TMEM132D: variants seen among roughly 807,000 people sequenced by gnomAD.
TMEM132D encodes the protein transmembrane protein 132D.
Under a neutral mutation model 62.3 loss-of-function variants are expected in TMEM132D, and 21 were observed. The ratio of observed to expected loss-of-function variants is 0.34; its 90% CI spans 0.24 to 0.49. The LOEUF is 0.49. Ranked by LOEUF, TMEM132D falls within the 20% of genes least tolerant of loss-of-function variation. TMEM132D has a pLI of 0.99. For synonymous variants in TMEM132D, 621 were observed against 575.6 expected (o/e 1.08, Z -1.13); for missense variants, 1,346 against 1,402.8 (o/e 0.96, Z 0.65).
chr12:129,636,733 T>A lies in TMEM132D; in HGVS notation c.968+63077A>T, dbSNP rs200666699. On this transcript the variant is annotated intron_variant, in intron 2 of 8. Coordinates refer to ENST00000422113, the MANE Select transcript of TMEM132D (RefSeq NM_133448.3). The stretch of plus-strand genomic sequence containing the variant: ...GTGTGTGTGTGTGTGTGTGTGTGTG[T>A]GTGTGAGAGAGAGAGAGAGAGAGAC... 3.2e-3 allele frequency among the ~76,000 whole-genome samples: 292 copies of A among 90,660 alleles called. 3 individuals are homozygous for A. Among genetic ancestry groups the A allele is most frequent in the African/African-American group, 8.4e-3 (210 of 25,138 alleles). The allele number at this position is 90,660 out of a possible 152,430, so 59.5% of individuals were successfully genotyped here. A position where few individuals can be genotyped will look rare whatever the true frequency, so the allele number is the denominator to read the frequency against.
At chr12:129,257,667 G>A (rs187151406) in intron 4 of TMEM132D, among the ~76,000 whole-genome samples, 1 of 152,168 alleles carries the variant, frequency 6.6e-6, no homozygotes, top group Non-Finnish European at 1.5e-5. Context: ...AGATGCAGGG[G>A]TGGATCTGGG....
At chr12:129,603,574 A>G (rs1878538200) in intron 2 of TMEM132D, among the ~76,000 whole-genome samples, 2 of 152,226 alleles carry the variant, frequency 1.3e-5, no homozygotes, top group African/African-American at 4.8e-5. Context: ...AAAAAAGTTC[A>G]TCATCACTGG....
At chr12:129,655,588 G>C (rs1042349681) in intron 2 of TMEM132D, among the ~76,000 whole-genome samples, 1 of 151,896 alleles carries the variant, frequency 6.6e-6, no homozygotes, top group African/African-American at 2.4e-5. Flanking sequence ...GGGCGTTGCA[G>C]GGGAGTGCAG....
intron 5 of TMEM132D, among the ~76,000 whole-genome samples, chr12:129,112,794 C>T (rs1875762255): frequency 6.6e-6 from 1 of 152,192 alleles, no homozygotes; most frequent in East Asian, 1.9e-4. Flanking sequence ...CAGAACATCC[C>T]TGTCATCACA....
At chr12:129,797,103 A>G (rs990434224) in intron 1 of TMEM132D, among the ~76,000 whole-genome samples, 1 of 152,082 alleles carries the variant, frequency 6.6e-6, no homozygotes, top group Non-Finnish European at 1.5e-5. Context: ...TCATATTTCA[A>G]AGTTCTGTTT....
At chr12:129,652,415 A>C (rs1879954317) in intron 2 of TMEM132D, among the ~76,000 whole-genome samples, 1 of 152,200 alleles carries the variant, frequency 6.6e-6, no homozygotes, top group Admixed American at 6.5e-5. Flanking sequence ...GTTACCTGGC[A>C]AAAGAGAATT....
In TMEM132D at chr12:129,221,255, C is replaced by T. The variant is rs76578669; in HGVS notation, c.1300-11592G>A. ...TGATGCAGTGAGGAGATGCTGGAGC[C>T]TCCATTAGCCTGGTTACCTGAGTCA... is the stretch of plus-strand genomic sequence containing the variant. On this transcript the variant is annotated intron_variant, in intron 4 of 8. Coordinates refer to ENST00000422113, the MANE Select transcript of TMEM132D (RefSeq NM_133448.3). Among the ~76,000 whole-genome samples the T allele has an allele frequency of 0.011, 1,743 of 152,292 alleles. 84 individuals carry two copies. The East Asian group carries it at 0.14, about 12-fold the overall frequency.
chr12:129,770,857 C>T (rs1197131838), intron 1 of TMEM132D, among the ~76,000 whole-genome samples: 2 of 152,190 alleles, frequency 1.3e-5, no homozygotes, highest in Non-Finnish European at 2.9e-5. Context: ...ATGGTCTCTA[C>T]CGAATGTGTA....
intron 2 of TMEM132D, among the ~76,000 whole-genome samples, chr12:129,660,771 G>A (rs1293183997): frequency 6.6e-6 from 1 of 152,012 alleles, no homozygotes; most frequent in East Asian, 1.9e-4. Flanking sequence ...GCCTGGTATT[G>A]GGAAGAGGCA....
intron 5 of TMEM132D, among the ~76,000 whole-genome samples, chr12:129,189,734 C>A (rs1878329947): frequency 6.6e-6 from 1 of 152,140 alleles, no homozygotes; most frequent in South Asian, 2.1e-4. Flanking sequence ...TCAAGAGAAG[C>A]AAGTCTGGTC....
At chr12:129,518,495 T>TTGTG (rs139644995) in intron 3 of TMEM132D, among the ~76,000 whole-genome samples, 2 of 150,488 alleles carry the variant, frequency 1.3e-5, no homozygotes, top group Non-Finnish European at 3.0e-5. Flanking sequence ...CTTGACTATA[T>TTGTG]TGTGTGTGTG....
At chr12:129,116,167 C>T (rs1316511333) in intron 5 of TMEM132D, among the ~76,000 whole-genome samples, 1 of 152,152 alleles carries the variant, frequency 6.6e-6, no homozygotes, top group Non-Finnish European at 1.5e-5. Flanking sequence ...AGAAGCTTCA[C>T]CTGGGGAGTC....
chr12:129,156,893 CCACTCCTGAGATCATTAACA>C (rs1877263470), intron 5 of TMEM132D, among the ~76,000 whole-genome samples: 1 of 152,074 alleles, frequency 6.6e-6, no homozygotes, highest in Non-Finnish European at 1.5e-5. Context: ...GATAAATAAC[CCACTCCTGAGATCATTAACA>C]CACTCCCCAA....
chr12:129,078,404 A>G, intron 8 of TMEM132D, 130 bp downstream of exon 8: 1 of 864,366 alleles, frequency 1.2e-6, no homozygotes, highest in Non-Finnish European at 1.8e-6. Flanking sequence ...AGCCCTTTGC[A>G]GATGGAGAAA....
At chr12:129,524,964 T>C (rs1593050690) in intron 3 of TMEM132D, among the ~76,000 whole-genome samples, 1 of 123,396 alleles carries the variant, frequency 8.1e-6, no homozygotes, top group Admixed American at 9.0e-5. Flanking sequence ...TCTCGCTCTG[T>C]CGCCAGGCTG....
At chr12:129,637,774 CA>C (rs1388397831) in intron 2 of TMEM132D, among the ~76,000 whole-genome samples, 5 of 152,058 alleles carry the variant, frequency 3.3e-5, no homozygotes, top group African/African-American at 1.2e-4. Flanking sequence ...GCTGAAGGTG[CA>C]AGGGGAGCAG....
In TMEM132D at chr12:129,252,062, C is replaced by A. The variant is rs115642975; in HGVS notation, c.1300-42399G>T. ...TACTTGTTAGAGCAGTTTGGTTTAG[C>A]CTAGCTAAAATATGTATATTCAAAT... is the stretch of plus-strand genomic sequence containing the variant. On this transcript the variant is annotated intron_variant, in intron 4 of 8. Coordinates refer to ENST00000422113, the MANE Select transcript of TMEM132D (RefSeq NM_133448.3). Among the ~76,000 whole-genome samples the A allele has an allele frequency of 4.1e-3, 629 of 152,156 alleles. 5 individuals carry two copies. Among genetic ancestry groups the A allele is most frequent in the African/African-American group, 0.014 (561 of 41,520 alleles).
intron 2 of TMEM132D, among the ~76,000 whole-genome samples, chr12:129,552,928 C>G (rs1876940571): frequency 6.6e-6 from 1 of 152,130 alleles, no homozygotes; most frequent in South Asian, 2.1e-4. Context: ...AAAGTGTCAC[C>G]TTTTGATCCT....
intron 2 of TMEM132D, among the ~76,000 whole-genome samples, chr12:129,582,851 C>G (rs573380493): frequency 6.6e-6 from 1 of 152,282 alleles, no homozygotes; most frequent in East Asian, 1.9e-4. Context: ...TCTTGAATTC[C>G]TGACCTCAGG....
Sources: allele counts gnomAD v4.1 joint callset (sites outside exome capture counted in the v4.1 genomes callset), GRCh38; gene constraint gnomAD v4.1.1; transcripts MANE v1.5; gene names NCBI Gene and HGNC (gene_info 2026-07-23, HGNC 2026-07-21).